Variants in ARHGAP44 observed in about 807,000 individuals in gnomAD.
ARHGAP44 encodes the protein Rho GTPase activating protein 44.
A neutral mutation model predicts 106.8 loss-of-function variants in ARHGAP44; 43 were observed. That is an observed-to-expected ratio of 0.40 (90% CI 0.32 to 0.52). The LOEUF (loss-of-function observed/expected upper bound fraction) is 0.52. ARHGAP44 is among the 20% of genes least tolerant of loss of function. The pLI is 0.48. For synonymous variants in ARHGAP44, 439 were observed against 410.3 expected, an observed-to-expected ratio of 1.07 and a Z score of -0.85; for missense variants, 866 against 1,050.5, an observed-to-expected ratio of 0.82 and a Z score of 2.43.
chr17:12,814,169 G>T (rs1425143104), intron 1 of ARHGAP44, among the ~76,000 whole-genome samples: 2 of 151,520 alleles, frequency 1.3e-5, no homozygotes, highest in African/African-American at 4.9e-5. Context: ...ACTCTCCTTG[G>T]GTGGTGGGGG....
chr17:12,845,149 G>C (rs7220741), intron 1 of ARHGAP44, among the ~76,000 whole-genome samples: 1 of 151,798 alleles, frequency 6.6e-6, no homozygotes, highest in Non-Finnish European at 1.5e-5. Context: ...TCTATCCTAT[G>C]ACCTAGTGTT....
chr17:12,818,353 AC>A (rs1265484109), intron 1 of ARHGAP44, among the ~76,000 whole-genome samples: 28 of 150,728 alleles, frequency 1.9e-4, no homozygotes, highest in Non-Finnish European at 2.8e-4. Context: ...AAAAAAAAAA[AC>A]AACCCTACAA....
intron 7 of ARHGAP44, among the ~76,000 whole-genome samples, chr17:12,939,247 AT>A (rs931620766): frequency 7.4e-5 from 11 of 149,614 alleles, no homozygotes; most frequent in South Asian, 2.1e-4. Flanking sequence ...TTGAGCCTTG[AT>A]TTTTTTTTTC....
intron 4 of ARHGAP44, among the ~76,000 whole-genome samples, chr17:12,912,379 A>G (rs935932958): frequency 6.6e-6 from 1 of 151,858 alleles, no homozygotes; most frequent in Admixed American, 6.6e-5. Context: ...GAACACACAG[A>G]CAGTAGAAAA....
At chr17:12,948,192 TCTC>T (rs2038902516) in intron 10 of ARHGAP44, among the ~76,000 whole-genome samples, 1 of 152,222 alleles carries the variant, frequency 6.6e-6, no homozygotes, top group Non-Finnish European at 1.5e-5. Flanking sequence ...CACACAGCCC[TCTC>T]CTCTTCTCTT....
chr17:12,925,140 G>T (rs111637142), intron 6 of ARHGAP44, among the ~76,000 whole-genome samples: 3 of 152,100 alleles, frequency 2.0e-5, no homozygotes, highest in African/African-American at 2.4e-5. Context: ...ACTGGATGTC[G>T]CATGGGCTCA....
intron 1 of ARHGAP44, among the ~76,000 whole-genome samples, chr17:12,803,373 C>G (rs1189080813): frequency 1.3e-5 from 2 of 152,168 alleles, no homozygotes; most frequent in Admixed American, 1.3e-4. Flanking sequence ...TCCCTAAATG[C>G]TGGAATTGCA....
chr17:12,987,137 G>A, intron 20 of ARHGAP44: 1 of 1,534,058 alleles, frequency 6.5e-7, no homozygotes, highest in Non-Finnish European at 8.7e-7. Flanking sequence ...GGATACGTGT[G>A]AGGGGGATTT....
At chr17:12,891,270 C>T (rs1258737014) in intron 1 of ARHGAP44, among the ~76,000 whole-genome samples, 1 of 152,182 alleles carries the variant, frequency 6.6e-6, no homozygotes, top group African/African-American at 2.4e-5. Context: ...AGCAGTACCT[C>T]ACTCTCTGGT....
rs139258003 is a variant in ARHGAP44, at chr17:12,981,916, C to T, written c.1939+1683C>T. On this transcript the variant is annotated intron_variant, in intron 19 of 20. Transcript: ENST00000379672. ...ATCCCAGCTACTCAGGAGGCTGAGG[C>T]ACAAGAATTGCTTGAACCTGGGAGG... Among the ~76,000 whole-genome samples the T allele has an allele frequency of 8.3e-3, 1,263 of 152,136 alleles. 54 individuals carry two copies. The East Asian group carries it at 0.13, about 15-fold the overall frequency.
chr17:12,845,519 A>AAC (rs200977137), intron 1 of ARHGAP44, among the ~76,000 whole-genome samples: 8,125 of 150,568 alleles, frequency 0.054, 356 homozygotes, highest in African/African-American at 0.12. Flanking sequence ...AAAAAAAAAA[A>AAC]AAACAAAAAA....
At chr17:12,792,355 T>C (rs547538920) in intron 1 of ARHGAP44, among the ~76,000 whole-genome samples, 94 of 152,368 alleles carry the variant, frequency 6.2e-4, no homozygotes, top group African/African-American at 2.1e-3. Context: ...GTCTGTCTGC[T>C]TCCAGCAGAA....
At chr17:12,872,728 T>G (rs570847818) in intron 1 of ARHGAP44, among the ~76,000 whole-genome samples, 1 of 152,332 alleles carries the variant, frequency 6.6e-6, no homozygotes, top group South Asian at 2.1e-4. Context: ...AGGACTTTTG[T>G]GTCTCTTCAG....
intron 7 of ARHGAP44, among the ~76,000 whole-genome samples, chr17:12,933,430 C>G (rs2038457105): frequency 6.6e-6 from 1 of 152,184 alleles, no homozygotes; most frequent in African/African-American, 2.4e-5. Flanking sequence ...ACCCACTGAG[C>G]CCTCAGGCAG....
intron 16 of ARHGAP44, among the ~76,000 whole-genome samples, chr17:12,961,376 G>A (rs1274327745): frequency 6.6e-6 from 1 of 152,198 alleles, no homozygotes; most frequent in South Asian, 2.1e-4. Context: ...TACTTTAAGA[G>A]TATAGGAAAT....
intron 1 of ARHGAP44, among the ~76,000 whole-genome samples, chr17:12,802,634 T>A (rs1263284369): frequency 1.3e-5 from 2 of 152,000 alleles, no homozygotes; most frequent in African/African-American, 2.4e-5. Context: ...CATACCCAGT[T>A]GTTGACCAGG....
Position 12,974,165 on chromosome 17 carries a change from C to A in ARHGAP44, c.1618C>A (p.Pro540Thr), listed in dbSNP as rs1452147569. 1 of 1,554,110 alleles carries A rather than the reference C, an allele frequency of 6.4e-7. No individual in the cohort carries two copies. Among genetic ancestry groups the A allele is most frequent in the South Asian group, 1.2e-5 (1 of 84,280 alleles). ...GGCCGGTCGGAAAGTGTCCTGCGCCCCGCCCTCCATGCAGCCTCCCGCCCC... is the reference window on the plus strand; with the variant it reads ...GGCCGGTCGGAAAGTGTCCTGCGCCACGCCCTCCATGCAGCCTCCCGCCCC... ...SSAGRKVSCA[P>T]PSMQPPAPPA... The change falls in exon 18 of 21, where the codon CCG becomes ACG. Residue 540 changes from proline to threonine, a missense_variant. Around this residue, in one of 2 missense-constraint regions of ARHGAP44, gnomAD observed 418 missense variants for 403.6 expected, o/e 1.04. Coordinates refer to ENST00000379672, the MANE Select transcript of ARHGAP44 (RefSeq NM_014859.6).
chr17:12,861,969 C>T (rs2036099262), intron 1 of ARHGAP44, among the ~76,000 whole-genome samples: 1 of 152,100 alleles, frequency 6.6e-6, no homozygotes, highest in South Asian at 2.1e-4. Context: ...ATGGGTGACA[C>T]TGGACCCACC....
intron 1 of ARHGAP44, among the ~76,000 whole-genome samples, chr17:12,881,959 C>T (rs1482514913): frequency 6.6e-6 from 1 of 152,146 alleles, no homozygotes; most frequent in African/African-American, 2.4e-5. Flanking sequence ...CCTCAGCCTC[C>T]CAAAGTGCCA....
Sources: gnomAD v4.1 joint callset for allele counts (sites outside exome capture counted in the v4.1 genomes callset) on GRCh38, gnomAD v4.1.1 for gene constraint, gnomAD v4.1.1 regional missense constraint, MANE v1.5 for transcripts, NCBI Gene and HGNC (gene_info 2026-07-23, HGNC 2026-07-21) for gene names.